Variants in MUC22 observed in about 807,000 individuals in gnomAD.
MUC22 encodes the protein mucin-22.
A neutral mutation model predicts 40.3 loss-of-function variants in MUC22; 24 were observed. That is an observed-to-expected ratio of 0.60 (90% CI 0.43 to 0.84). The LOEUF (loss-of-function observed/expected upper bound fraction) is 0.84. MUC22 is among the 40% of genes least tolerant of loss of function. The pLI is 0.00. For synonymous variants in MUC22, 765 were observed against 844.5 expected, an observed-to-expected ratio of 0.91 and a Z score of 1.63; for missense variants, 1,926 against 2,130.7, an observed-to-expected ratio of 0.90 and a Z score of 1.89.
At chr6:31,014,188 T>C (rs1159325083) in intron 1 of MUC22, among the ~76,000 whole-genome samples, 1 of 151,788 alleles carries the variant, frequency 6.6e-6, no homozygotes, top group East Asian at 1.9e-4. Context: ...CCATCCGTTC[T>C]TGTAATTTTT....
intron 1 of MUC22, among the ~76,000 whole-genome samples, chr6:31,019,535 A>G (rs1764514790): frequency 1.3e-5 from 2 of 152,228 alleles, no homozygotes; most frequent in Non-Finnish European, 2.9e-5. Flanking sequence ...GAGGGGAGAC[A>G]GCAGTGGCCC....
intron 1 of MUC22, among the ~76,000 whole-genome samples, chr6:31,018,996 T>G (rs1003251853): frequency 3.9e-5 from 6 of 152,248 alleles, no homozygotes; most frequent in Admixed American, 1.3e-4. Flanking sequence ...CTTCATGGCT[T>G]TAAATACAAT....
chr6:31,010,537 A>C (rs941781356), exon 1 of MUC22: 17 of 569,662 alleles, frequency 3.0e-5, no homozygotes, highest in Middle Eastern at 3.0e-4. Flanking sequence ...CAACCATGCC[A>C]TCTGCCTACA....
In MUC22 at chr6:31,027,894, AG is replaced by A. The variant is rs773194944; in HGVS notation, c.2465del (p.Gly822ValfsTer219). The A allele has an allele frequency of 1.8e-5, 28 of 1,534,808 alleles. No individual in the cohort carries two copies. Among genetic ancestry groups the A allele is most frequent in the African/African-American group, 8.2e-5 (6 of 72,826 alleles). The stretch of plus-strand genomic sequence containing the variant: ...CTGAGATGACTACAGTCTCCACCAC[AG>A]GTGCTGAGACCACCACAGACTCTAC... On this transcript the variant is annotated frameshift_variant, in exon 2 of 4. Transcript: ENST00000561890. LOFTEE classifies it high-confidence loss of function.
At chr6:31,008,293 A>T (rs138778412), upstream of MUC22, among the ~76,000 whole-genome samples, 7 of 152,352 alleles carry the variant, frequency 4.6e-5, no homozygotes, top group African/African-American at 1.7e-4. Context: ...ACTGTGTCTC[A>T]GAGTCGTTGG....
chr6:31,034,613 G>C, intron 3 of MUC22, 59 bp from the exon 4 acceptor site: 1 of 1,397,624 alleles, frequency 7.2e-7, no homozygotes. Context: ...GGCATGTATG[G>C]TGATTAGGGA....
intron 1 of MUC22, among the ~76,000 whole-genome samples, chr6:31,021,118 A>G (rs76075941): frequency 0.12 from 18,432 of 152,296 alleles, 1,303 homozygotes; most frequent in African/African-American, 0.17. Context: ...CGCATGGCGT[A>G]GGACTGGCAG....
At position 31,034,908 on chromosome 6, in the gene MUC22, C is replaced by T. The variant is rs149394903; in HGVS notation, c.5292C>T (p.Gly1764=). The T allele has an allele frequency of 1.0e-3, 1,533 of 1,535,386 alleles. 5 individuals are homozygous for T. The highest frequency in any genetic ancestry group is 1.3e-3 in the South Asian group (106 of 84,038). The change falls in exon 4 of 4, where the codon GGC becomes GGT. Residue 1764 remains glycine, a synonymous_variant. Coordinates refer to ENST00000561890, the Ensembl canonical transcript of MUC22. Reference sequence around the variant, plus strand: ...GAGATGGCTACGGAGTGAATCATGGCGGGCATTATGGACATGGAGGAGGCC... The same window carrying T: ...GAGATGGCTACGGAGTGAATCATGGTGGGCATTATGGACATGGAGGAGGCC...
chr6:31,023,081 G>A (rs1304767228), intron 1 of MUC22, among the ~76,000 whole-genome samples: 1 of 151,580 alleles, frequency 6.6e-6, no homozygotes, highest in Non-Finnish European at 1.5e-5. Context: ...AGTGAGCTGA[G>A]ATCCCATCAC....
exon 2 of MUC22, chr6:31,028,725 C>G: frequency 6.5e-7 from 1 of 1,529,578 alleles, no homozygotes; most frequent in Non-Finnish European, 8.7e-7. Flanking sequence ...CCACCACCAC[C>G]TCTACTGAAG....
chr6:31,021,727 G>A (rs532472455), intron 1 of MUC22, among the ~76,000 whole-genome samples: 125 of 152,006 alleles, frequency 8.2e-4, no homozygotes, highest in Middle Eastern at 3.4e-3. Context: ...GATTGTAAAC[G>A]CACCAATCAG....
At chr6:31,027,911 C>A in exon 2 of MUC22, 2 of 1,535,082 alleles carry the variant, frequency 1.3e-6, no homozygotes, top group Non-Finnish European at 1.7e-6. Flanking sequence ...GAGACCACCA[C>A]AGACTCTACT....
At chr6:31,021,044 G>A (rs1394729019) in intron 1 of MUC22, among the ~76,000 whole-genome samples, 1 of 152,168 alleles carries the variant, frequency 6.6e-6, no homozygotes, top group African/African-American at 2.4e-5. Flanking sequence ...CCTCCCCGAT[G>A]AGCGCCGCCC....
chr6:31,029,821 G>A (rs1765906483), exon 2 of MUC22: 1 of 1,533,422 alleles, frequency 6.5e-7, no homozygotes, highest in East Asian at 2.4e-5. Flanking sequence ...TTCAGGCTCT[G>A]AGACCAACAC....
chr6:31,020,440 A>ATTTTTTTTTTT (rs1764588893), intron 1 of MUC22, among the ~76,000 whole-genome samples: 1 of 82,200 alleles, frequency 1.2e-5, no homozygotes, highest in Non-Finnish European at 2.4e-5. Flanking sequence ...CTGGAAATTG[A>ATTTTTTTTTTT]CTTTTTTTTT....
chr6:31,027,711 T>A, exon 2 of MUC22: 1 of 1,532,516 alleles, frequency 6.5e-7, no homozygotes, highest in South Asian at 1.2e-5. Flanking sequence ...CAGCCTCTAC[T>A]GAAGGCTCTG....
At chr6:31,010,043 G>A (rs755509536), upstream of MUC22, among the ~76,000 whole-genome samples, 2 of 152,172 alleles carry the variant, frequency 1.3e-5, no homozygotes, top group African/African-American at 4.8e-5. Flanking sequence ...CCGGGCGTGT[G>A]TCCTGATGCT....
exon 2 of MUC22, chr6:31,026,242 TCTA>T: frequency 6.5e-7 from 1 of 1,531,368 alleles, no homozygotes; most frequent in Non-Finnish European, 8.7e-7. Context: ...CACCACAGCC[TCTA>T]CCACAGGCTC....
upstream of MUC22, among the ~76,000 whole-genome samples, chr6:31,007,420 A>G (rs1046160242): frequency 2.0e-5 from 3 of 152,210 alleles, no homozygotes; most frequent in African/African-American, 7.2e-5. The surrounding 1 kb of genome is among the most constrained non-coding windows in gnomAD (Gnocchi z 4.0). Context: ...TTCACAGAAA[A>G]TCTTCTTCTT....
Sources: allele counts gnomAD v4.1 joint callset (sites outside exome capture counted in the v4.1 genomes callset), GRCh38; gene constraint gnomAD v4.1.1; non-coding constraint Gnocchi (gnomAD v3.1); transcripts MANE v1.5; gene names NCBI Gene and HGNC (gene_info 2026-07-23, HGNC 2026-07-21).